Variants in CDH13 observed in about 807,000 individuals in gnomAD.
The protein encoded by CDH13 is cadherin 13, also known as cadherin-13.
Under a neutral mutation model 63.8 loss-of-function variants are expected in CDH13, and 24 were observed. The observed-to-expected ratio is 0.38, with a 90% CI of 0.27 to 0.53. CDH13 has a LOEUF of 0.53. Ranked by LOEUF, CDH13 falls within the 20% of genes least tolerant of loss-of-function variation. The probability of loss-of-function intolerance (pLI) is 0.85; values close to 1 mark genes in which losing one functional copy is unlikely to be tolerated. For missense variants in CDH13, 1,049 were observed against 903.1 expected (o/e 1.16, Z -2.07); for synonymous variants, 503 against 355.3 (o/e 1.42, Z -4.67).
chr16:83,541,629 G>A (rs2075297334), intron 7 of CDH13, among the ~76,000 whole-genome samples: 1 of 152,172 alleles, frequency 6.6e-6, no homozygotes, highest in African/African-American at 2.4e-5. Flanking sequence ...GGACTCCAAA[G>A]GTCTAGAGGA....
At chr16:83,299,977 C>T (rs1229365265) in intron 5 of CDH13, among the ~76,000 whole-genome samples, 1 of 152,146 alleles carries the variant, frequency 6.6e-6, no homozygotes, top group Non-Finnish European at 1.5e-5. Flanking sequence ...TGATTGTTAA[C>T]AGAATTGAGT....
intron 4 of CDH13, among the ~76,000 whole-genome samples, chr16:83,203,216 C>G (rs1317761773): frequency 1.3e-5 from 2 of 151,912 alleles, no homozygotes; most frequent in Non-Finnish European, 2.9e-5. Flanking sequence ...AAGAGCAAAA[C>G]CCCGTCTCAA....
Position 83,031,885 on chromosome 16 carries a change from C to G in CDH13, c.158-125C>G, listed in dbSNP as rs556704424. 4.6e-5 allele frequency: 34 copies of G among 737,488 alleles called. No homozygotes were observed. The Admixed American group carries it at 7.9e-4, about 17-fold the overall frequency. 45.7% of individuals were successfully genotyped at this position (737,488 alleles called of 1,614,324 possible). ...ACAGGCATCTTGCTGTGGGATAAAA[C>G]GTAACATTTGTGAACTCTGGGTTGG... is the stretch of plus-strand genomic sequence containing the variant. On this transcript the variant is annotated intron_variant, in intron 2 of 13. Transcript: ENST00000567109.
At chr16:82,785,975 G>A (rs1019483221) in intron 1 of CDH13, among the ~76,000 whole-genome samples, 37 of 152,174 alleles carry the variant, frequency 2.4e-4, no homozygotes, top group African/African-American at 8.9e-4. Context: ...CTGTTGGCTA[G>A]GGTTAGACCA....
At chr16:83,104,971 A>AC (rs1197319829) in intron 3 of CDH13, among the ~76,000 whole-genome samples, 1 of 152,208 alleles carries the variant, frequency 6.6e-6, no homozygotes, top group Non-Finnish European at 1.5e-5. Context: ...TGAGAAAGGA[A>AC]CGTGCCATTC....
intron 11 of CDH13, among the ~76,000 whole-genome samples, chr16:83,775,848 G>C (rs1267761980): frequency 6.6e-6 from 1 of 152,190 alleles, no homozygotes; most frequent in African/African-American, 2.4e-5. Flanking sequence ...GGTGGAGGCT[G>C]CTGATGGAAA....
chr16:83,778,677 A>G (rs866191594), intron 11 of CDH13, among the ~76,000 whole-genome samples: 1 of 152,200 alleles, frequency 6.6e-6, no homozygotes, highest in Non-Finnish European at 1.5e-5. Flanking sequence ...CAAAGATTAT[A>G]TGATGATTGC....
At chr16:82,969,802 A>T (rs561687132) in intron 2 of CDH13, among the ~76,000 whole-genome samples, 5 of 152,270 alleles carry the variant, frequency 3.3e-5, no homozygotes, top group Admixed American at 3.3e-4. Context: ...CAGGTGAAGG[A>T]ATGGACTGCC....
chr16:82,837,095 A>C (rs997549562), intron 1 of CDH13, among the ~76,000 whole-genome samples: 3 of 152,202 alleles, frequency 2.0e-5, no homozygotes, highest in Non-Finnish European at 4.4e-5. Context: ...ACAAATATGC[A>C]AAAGCGTCCC....
At chr16:83,735,607 T>C (rs1911469006) in intron 10 of CDH13, 1 of 152,194 alleles carries the variant, frequency 6.6e-6, no homozygotes, top group Non-Finnish European at 1.5e-5. Flanking sequence ...TAATAAAGTA[T>C]GTGTCTTTCT....
intron 8 of CDH13, among the ~76,000 whole-genome samples, chr16:83,669,937 G>A (rs866017277): frequency 1.3e-5 from 2 of 152,148 alleles, no homozygotes; most frequent in African/African-American, 4.8e-5. Flanking sequence ...TTATGCTTTC[G>A]GCTCAAAGGA....
chr16:83,230,743 T>G (rs914690086), intron 5 of CDH13, among the ~76,000 whole-genome samples: 1 of 152,186 alleles, frequency 6.6e-6, no homozygotes, highest in African/African-American at 2.4e-5. Flanking sequence ...GCCAAGATCA[T>G]GCCATTGCTC....
chr16:83,026,552 C>G (rs1336574420), intron 2 of CDH13, among the ~76,000 whole-genome samples: 3 of 152,004 alleles, frequency 2.0e-5, no homozygotes, highest in Non-Finnish European at 4.4e-5. Flanking sequence ...AGTACCTAAA[C>G]AGATATAAGT....
intron 1 of CDH13, among the ~76,000 whole-genome samples, chr16:82,832,113 A>T (rs1027786427): frequency 1.3e-5 from 2 of 152,214 alleles, no homozygotes; most frequent in Non-Finnish European, 2.9e-5. Flanking sequence ...GCAGAATGAA[A>T]TATTTTATGT....
chr16:82,808,856 AC>A (rs1348339332), intron 1 of CDH13, among the ~76,000 whole-genome samples: 2 of 152,034 alleles, frequency 1.3e-5, no homozygotes, highest in African/African-American at 4.8e-5. Flanking sequence ...AATTCATTTA[AC>A]CTTTTTACTA....
intron 2 of CDH13, among the ~76,000 whole-genome samples, chr16:82,981,323 C>T (rs1352249832): frequency 6.6e-6 from 1 of 152,118 alleles, no homozygotes; most frequent in East Asian, 1.9e-4. Context: ...AGGTCTCCAG[C>T]TCACACACTG....
chr16:82,688,323 A>G (rs975207477), intron 1 of CDH13, among the ~76,000 whole-genome samples: 1 of 152,194 alleles, frequency 6.6e-6, no homozygotes, highest in Non-Finnish European at 1.5e-5. Flanking sequence ...CAAAAGCGCT[A>G]AGGCAAACCA....
chr16:82,858,308 G>T (rs1439978809), intron 1 of CDH13, 54 bp from the exon 2 acceptor site: 4 of 1,209,914 alleles, frequency 3.3e-6, no homozygotes, highest in Middle Eastern at 3.8e-4. Flanking sequence ...GCGAAAGTTA[G>T]CAGGGCAAAC....
intron 1 of CDH13, among the ~76,000 whole-genome samples, chr16:82,754,784 A>C (rs573354562): frequency 6.6e-6 from 1 of 152,352 alleles, no homozygotes; most frequent in African/African-American, 2.4e-5. Flanking sequence ...AAGCCAACTC[A>C]TTTCATTTGC....
Sources: gnomAD v4.1 joint callset for allele counts (sites outside exome capture counted in the v4.1 genomes callset) on GRCh38, gnomAD v4.1.1 for gene constraint, MANE v1.5 for transcripts, NCBI Gene and HGNC (gene_info 2026-07-23, HGNC 2026-07-21) for gene names.